The following RORB variants were observed in gnomAD, a reference collection of about 807,000 sequenced individuals.
The protein encoded by RORB is nuclear receptor ROR-beta.
In RORB, 6 loss-of-function variants were observed where a neutral mutation model predicts 59.1. The observed-to-expected ratio is 0.10, with a 90% CI of 0.06 to 0.20. The LOEUF is 0.20. Ranked by LOEUF, RORB falls within the 10% of genes least tolerant of loss-of-function variation. The pLI is 1.00. For missense variants in RORB, 320 were observed against 560.5 expected, an observed-to-expected ratio of 0.57 and a Z score of 4.33; for synonymous variants, 215 against 204.5, an observed-to-expected ratio of 1.05 and a Z score of -0.44.
intron 9 of RORB, among the ~76,000 whole-genome samples, chr9:74,673,334 T>G (rs948407848): frequency 1.3e-5 from 2 of 152,164 alleles, no homozygotes; most frequent in Non-Finnish European, 2.9e-5. Flanking sequence ...GTCCCCATAT[T>G]TACCATCCTA....
intron 1 of RORB, among the ~76,000 whole-genome samples, chr9:74,532,190 T>G (rs1046307965): frequency 6.6e-6 from 1 of 152,006 alleles, no homozygotes; most frequent in Non-Finnish European, 1.5e-5. Context: ...TCCTATGCTA[T>G]TCTATACATA....
At chr9:74,529,010 CTCTT>C (rs895702691) in intron 1 of RORB, among the ~76,000 whole-genome samples, 1 of 151,988 alleles carries the variant, frequency 6.6e-6, no homozygotes, top group African/African-American at 2.4e-5. Flanking sequence ...TGATTGAACT[CTCTT>C]TATTTGACAA....
chr9:74,577,751 A>G (rs747764812), intron 1 of RORB, among the ~76,000 whole-genome samples: 10 of 152,080 alleles, frequency 6.6e-5, no homozygotes, highest in Non-Finnish European at 1.5e-4. Context: ...TATAAAATGG[A>G]GGCAAAAACA....
chr9:74,679,713 G>GTTTGCTGGCA (rs1824511835), intron 9 of RORB, among the ~76,000 whole-genome samples: 1 of 152,064 alleles, frequency 6.6e-6, no homozygotes, highest in African/African-American at 2.4e-5. Context: ...TATACTATAG[G>GTTTGCTGGCA]TAAAACATCC....
chr9:74,543,334 C>A (rs1826438931), intron 1 of RORB, among the ~76,000 whole-genome samples: 1 of 152,188 alleles, frequency 6.6e-6, no homozygotes, highest in Non-Finnish European at 1.5e-5. Context: ...GTGGAACACC[C>A]CTTTGAGGAG....
At chr9:74,665,911 G>A (rs997974701) in intron 7 of RORB, among the ~76,000 whole-genome samples, 1 of 152,182 alleles carries the variant, frequency 6.6e-6, no homozygotes, top group South Asian at 2.1e-4. Context: ...GGAGGCCAAG[G>A]GGCGCAGATC....
intron 8 of RORB, among the ~76,000 whole-genome samples, chr9:74,670,733 T>G (rs1434871092): frequency 6.6e-6 from 1 of 152,166 alleles, no homozygotes; most frequent in Non-Finnish European, 1.5e-5. Context: ...TCCAGGGTCC[T>G]GACATAAGAG....
chr9:74,606,970 A>G (rs1445773126), intron 1 of RORB, among the ~76,000 whole-genome samples: 2 of 152,210 alleles, frequency 1.3e-5, no homozygotes, highest in Admixed American at 6.5e-5. Context: ...GACCAGACTC[A>G]TGAGAGATAG....
At position 74,506,576 on chromosome 9, in the gene RORB, T is replaced by A. The variant is rs150900882; in HGVS notation, c.7+8593T>A. On this transcript the variant is annotated intron_variant, in intron 1 of 9. Transcript: ENST00000376896. ...GTTAACATGGGTCCTCATACTAATG[T>A]CTGATCTACTCTGAAACACTGGTAA... 1.1e-4 allele frequency among the ~76,000 whole-genome samples: 17 copies of A among 152,212 alleles called. No homozygotes were observed. The East Asian group carries it at 3.3e-3, about 29-fold the overall frequency.
In RORB at chr9:74,688,249, T is replaced by C. The variant is rs979776929; in HGVS notation, c.*2631T>C. On this transcript the variant is annotated 3_prime_UTR_variant, in exon 10 of 10. Coordinates refer to ENST00000376896, the MANE Select transcript of RORB (RefSeq NM_006914.4). ...GAGCAAAACAATGGCAACCAGGACA[T>C]ACTCATCCCACTTAGTTGAGAGAAG... 1 of 152,190 alleles carries C rather than the reference T, an allele frequency of 6.6e-6. No individual in the cohort carries two copies. The highest frequency in any genetic ancestry group is 1.5e-5 in the Non-Finnish European group (1 of 68,042). 9.4% of individuals were successfully genotyped at this position (152,190 alleles called of 1,614,324 possible).
chr9:74,584,737 C>T (rs1420533896), intron 1 of RORB, among the ~76,000 whole-genome samples: 1 of 152,132 alleles, frequency 6.6e-6, no homozygotes. Flanking sequence ...ATTGGAAATA[C>T]ATCATTGGTA....
intron 1 of RORB, among the ~76,000 whole-genome samples, chr9:74,610,606 G>A (rs964843813): frequency 3.9e-5 from 6 of 152,108 alleles, no homozygotes; most frequent in African/African-American, 1.4e-4. Flanking sequence ...ATATTAATTT[G>A]GGGGAGACAC....
At chr9:74,599,973 C>T (rs1409235495) in intron 1 of RORB, among the ~76,000 whole-genome samples, 1 of 152,234 alleles carries the variant, frequency 6.6e-6, no homozygotes, top group Non-Finnish European at 1.5e-5. Flanking sequence ...AGATTTTTCT[C>T]TAGTGAATTT....
At chr9:74,575,084 G>T (rs556566168) in intron 1 of RORB, among the ~76,000 whole-genome samples, 8 of 152,050 alleles carry the variant, frequency 5.3e-5, no homozygotes, top group Non-Finnish European at 1.0e-4. Flanking sequence ...CAATGAGTAC[G>T]GACACCTTAA....
intron 1 of RORB, among the ~76,000 whole-genome samples, chr9:74,538,747 T>C (rs1392881479): frequency 1.4e-5 from 2 of 146,672 alleles, no homozygotes; most frequent in Non-Finnish European, 3.0e-5. Context: ...AAAAACAGAA[T>C]TAAAAGGAAG....
At chr9:74,500,551 G>T (rs1825792213) in intron 1 of RORB, among the ~76,000 whole-genome samples, 1 of 152,034 alleles carries the variant, frequency 6.6e-6, no homozygotes, top group Admixed American at 6.6e-5. Context: ...ATCCACACGC[G>T]CGCGCTTTCC....
At chr9:74,546,036 A>G (rs905852803) in intron 1 of RORB, among the ~76,000 whole-genome samples, 1 of 152,242 alleles carries the variant, frequency 6.6e-6, no homozygotes, top group Non-Finnish European at 1.5e-5. Context: ...GATAGTTTTT[A>G]TAGTTCTAGA....
intron 3 of RORB, among the ~76,000 whole-genome samples, chr9:74,635,524 C>A (rs987673633): frequency 2.0e-5 from 3 of 152,200 alleles, no homozygotes; most frequent in African/African-American, 7.2e-5. Context: ...CAAAGTAATT[C>A]TTTCCCTGCT....
chr9:74,500,302 A>G (rs10217160), intron 1 of RORB, among the ~76,000 whole-genome samples: 2,465 of 151,920 alleles, frequency 0.016, 71 homozygotes, highest in African/African-American at 0.057. Flanking sequence ...ACCTCTTCAT[A>G]TTTTCCCCGG....
Sources: gnomAD v4.1 joint callset for allele counts (sites outside exome capture counted in the v4.1 genomes callset) on GRCh38, gnomAD v4.1.1 for gene constraint, MANE v1.5 for transcripts, NCBI Gene and HGNC (gene_info 2026-07-23, HGNC 2026-07-21) for gene names.